The following SPECC1 variants were observed in gnomAD, a reference collection of about 807,000 sequenced individuals.
SPECC1 encodes sperm antigen with calponin homology and coiled-coil domains 1.
A neutral mutation model predicts 104.1 loss-of-function variants in SPECC1; 62 were observed. The ratio of observed to expected loss-of-function variants is 0.60; its 90% CI spans 0.49 to 0.74. The LOEUF is 0.74. SPECC1 is among the 30% of genes least tolerant of loss of function. SPECC1 has a pLI of 0.00. For missense variants in SPECC1, 1,306 were observed against 1,310.5 expected, an observed-to-expected ratio of 1.00 and a Z score of 0.05; for synonymous variants, 513 against 501.6, an observed-to-expected ratio of 1.02 and a Z score of -0.30.
intron 3 of SPECC1, among the ~76,000 whole-genome samples, chr17:20,130,378 T>TA (rs914562075): frequency 6.6e-6 from 1 of 151,920 alleles, no homozygotes; most frequent in African/African-American, 2.4e-5. Context: ...CTACAAGAAA[T>TA]AAAAAAATTA....
chr17:20,213,124 G>C (rs2037266105), intron 4 of SPECC1, among the ~76,000 whole-genome samples: 1 of 151,754 alleles, frequency 6.6e-6, no homozygotes, highest in Non-Finnish European at 1.5e-5. Context: ...TTGAGACATG[G>C]TCTTGCTCTG....
rs1427990101 is a variant in SPECC1 at position 20,200,602 on chromosome 17, A to G, written c.284-3731A>G. 3.3e-5 allele frequency among the ~76,000 whole-genome samples: 5 copies of G among 152,310 alleles called. No individual in the cohort carries two copies. In the East Asian group the frequency reaches 7.7e-4, roughly 23 times the overall value. On this transcript the variant is annotated intron_variant, in intron 3 of 14. Coordinates refer to ENST00000395527, the MANE Select transcript of SPECC1 (RefSeq NM_001243439.2). ...TGTGTAAGGAAGCATGGCCAGTCTC[A>G]GGACTTCAGAGTGCTTTGGTTAGCA... is the stretch of plus-strand genomic sequence containing the variant.
intron 3 of SPECC1, among the ~76,000 whole-genome samples, chr17:20,137,052 C>T (rs1403479456): frequency 6.6e-6 from 1 of 152,218 alleles, no homozygotes; most frequent in East Asian, 1.9e-4. Flanking sequence ...AGAGGGTTTG[C>T]CTTCACCATC....
intron 12 of SPECC1, among the ~76,000 whole-genome samples, chr17:20,287,222 C>G (rs1337479796): frequency 2.0e-5 from 3 of 152,050 alleles, no homozygotes; most frequent in Non-Finnish European, 4.4e-5. Flanking sequence ...TCGAGACCAT[C>G]CTGGCTAACA....
intron 12 of SPECC1, among the ~76,000 whole-genome samples, chr17:20,279,533 G>A (rs151065176): frequency 2.0e-5 from 3 of 151,996 alleles, no homozygotes; most frequent in Non-Finnish European, 2.9e-5. Flanking sequence ...TGTTGGTCAG[G>A]CTGATCTTGA....
chr17:20,293,008 G>A (rs2041224479), intron 12 of SPECC1, among the ~76,000 whole-genome samples: 1 of 152,164 alleles, frequency 6.6e-6, no homozygotes, highest in Non-Finnish European at 1.5e-5. Context: ...CTGGAACTGA[G>A]AAGAGGTTTG....
chr17:20,177,722 T>A (rs976444513), intron 3 of SPECC1, among the ~76,000 whole-genome samples: 2 of 152,210 alleles, frequency 1.3e-5, no homozygotes, highest in Non-Finnish European at 1.5e-5. Context: ...TTTATTATTA[T>A]TTTTTGAGAC....
At chr17:20,280,114 A>G (rs998464419) in intron 12 of SPECC1, among the ~76,000 whole-genome samples, 2 of 152,240 alleles carry the variant, frequency 1.3e-5, no homozygotes, top group Non-Finnish European at 2.9e-5. Context: ...CAATTATCGC[A>G]GTACTGTTTG....
chr17:20,305,964 C>A, intron 13 of SPECC1, 59 bp from the exon 14 acceptor site: 3 of 1,485,494 alleles, frequency 2.0e-6, no homozygotes, highest in Non-Finnish European at 1.9e-6. Context: ...ATATTCTTTC[C>A]TGGCAAAAGC....
At position 20,273,003 on chromosome 17, in the gene SPECC1, AC is replaced by A. The variant is rs1344196973; in HGVS notation, c.2940+12714del. 3.3e-5 allele frequency among the ~76,000 whole-genome samples: 5 copies of A among 151,744 alleles called. No homozygotes were observed. In the East Asian group the frequency reaches 9.7e-4, roughly 29 times the overall value. ...TTTAGGTGGAGGCTCTGCAAAGCTG[AC>A]CCCCTCCCTGGCCTGCGTATGAGGC... On this transcript the variant is annotated intron_variant, in intron 12 of 14. Coordinates refer to ENST00000395527, the MANE Select transcript of SPECC1 (RefSeq NM_001243439.2).
At chr17:20,219,978 G>A (rs2037759505) in intron 4 of SPECC1, among the ~76,000 whole-genome samples, 1 of 152,050 alleles carries the variant, frequency 6.6e-6, no homozygotes, top group African/African-American at 2.4e-5. Context: ...TCGAAAATGA[G>A]TTCATGTAGA....
At chr17:20,128,579 A>G (rs1395120736) in intron 3 of SPECC1, among the ~76,000 whole-genome samples, 1 of 152,164 alleles carries the variant, frequency 6.6e-6, no homozygotes, top group African/African-American at 2.4e-5. Flanking sequence ...CTAGTAAAGG[A>G]GATCAAGTGT....
chr17:20,165,202 A>G (rs765176366), intron 3 of SPECC1, among the ~76,000 whole-genome samples: 3 of 141,020 alleles, frequency 2.1e-5, no homozygotes, highest in South Asian at 2.2e-4. Flanking sequence ...CCCTCCTACT[A>G]CCCCCGCCCT....
intron 14 of SPECC1, among the ~76,000 whole-genome samples, chr17:20,307,508 G>C (rs1299045105): frequency 2.6e-5 from 4 of 152,314 alleles, no homozygotes; most frequent in African/African-American, 9.6e-5. Flanking sequence ...AAGGCTCCCT[G>C]GGTTTCTCCA....
chr17:20,147,848 C>A (rs900952979), intron 3 of SPECC1, among the ~76,000 whole-genome samples: 1 of 152,082 alleles, frequency 6.6e-6, no homozygotes, highest in African/African-American at 2.4e-5. Flanking sequence ...CCAGTCTGGG[C>A]AACATAGTGA....
intron 3 of SPECC1, among the ~76,000 whole-genome samples, chr17:20,113,309 T>C (rs2048586498): frequency 6.6e-6 from 1 of 152,184 alleles, no homozygotes; most frequent in Non-Finnish European, 1.5e-5. Flanking sequence ...ATAGGCATGA[T>C]GTGGAAATAC....
At chr17:20,197,599 A>G (rs1030311425) in intron 3 of SPECC1, among the ~76,000 whole-genome samples, 4 of 152,220 alleles carry the variant, frequency 2.6e-5, no homozygotes, top group African/African-American at 9.6e-5. Context: ...TAACTATGAC[A>G]TGAACCCTAA....
At chr17:20,048,691 A>G (rs558820210) in intron 1 of SPECC1, among the ~76,000 whole-genome samples, 129 of 151,964 alleles carry the variant, frequency 8.5e-4, no homozygotes, top group Admixed American at 1.7e-3. Context: ...GGATTGCTTG[A>G]GCCTAGGAGT....
intron 12 of SPECC1, among the ~76,000 whole-genome samples, chr17:20,294,119 T>A (rs1180424069): frequency 6.6e-6 from 1 of 152,168 alleles, no homozygotes; most frequent in East Asian, 1.9e-4. Context: ...GTAGCTGGGA[T>A]TACAGGTGCC....
Sources: gnomAD v4.1 joint callset for allele counts (sites outside exome capture counted in the v4.1 genomes callset) on GRCh38, gnomAD v4.1.1 for gene constraint, MANE v1.5 for transcripts, NCBI Gene and HGNC (gene_info 2026-07-23, HGNC 2026-07-21) for gene names.